Variants in DYSF observed in about 807,000 individuals in gnomAD.
The protein encoded by DYSF is dystrophy-associated fer-1-like 1.
A neutral mutation model predicts 274.9 loss-of-function variants in DYSF; 212 were observed. The ratio of observed to expected loss-of-function variants is 0.77; its 90% CI spans 0.69 to 0.86. The LOEUF (loss-of-function observed/expected upper bound fraction) is 0.86, where lower values mean the gene tolerates loss of function less well. Among genes scored for constraint, DYSF ranks in the 40% least tolerant of loss-of-function variants. The probability of loss-of-function intolerance (pLI) is 0.00; values close to 1 mark genes in which losing one functional copy is unlikely to be tolerated. For missense variants in DYSF, 2,666 were observed against 2,783.2 expected (o/e 0.96, Z 0.95); for synonymous variants, 1,091 against 1,078.7 (o/e 1.01, Z -0.22).
At chr2:71,544,288 A>T (rs906505459) in intron 17 of DYSF, among the ~76,000 whole-genome samples, 1 of 151,932 alleles carries the variant, frequency 6.6e-6, no homozygotes, top group Admixed American at 6.6e-5. Flanking sequence ...CTGTCCATCC[A>T]TCTCCTCAGA....
intron 14 of DYSF, among the ~76,000 whole-genome samples, chr2:71,530,892 C>T (rs902496688): frequency 1.3e-5 from 2 of 152,100 alleles, no homozygotes; most frequent in Non-Finnish European, 2.9e-5. Context: ...CCCAGCTGGC[C>T]TTCTTTGCAT....
intron 22 of DYSF, among the ~76,000 whole-genome samples, chr2:71,559,092 C>T (rs77110008): frequency 0.12 from 18,363 of 152,216 alleles, 1,309 homozygotes; most frequent in African/African-American, 0.19. Context: ...GCTCATCTTC[C>T]GGGAGCCTCC....
chr2:71,571,074 A>G (rs1212047219), intron 29 of DYSF, among the ~76,000 whole-genome samples: 1 of 142,544 alleles, frequency 7.0e-6, no homozygotes, highest in African/African-American at 3.0e-5. Flanking sequence ...CCCAGCACAC[A>G]GATTACACCC....
chr2:71,470,818 T>C (rs1320046834), intron 1 of DYSF, among the ~76,000 whole-genome samples: 3 of 147,140 alleles, frequency 2.0e-5, no homozygotes, highest in African/African-American at 7.5e-5. Flanking sequence ...TGAAATGGAC[T>C]TTCACTCTTA....
At chr2:71,669,007 A>G (rs1419746253) in intron 49 of DYSF, 105 bp from the exon 50 acceptor site, 5 of 1,288,122 alleles carry the variant, frequency 3.9e-6, no homozygotes, top group Admixed American at 2.0e-5. Context: ...CCAGGCAGGC[A>G]TCGAGTCCTC....
chr2:71,576,745 C>T (rs1035247889), intron 30 of DYSF, among the ~76,000 whole-genome samples: 2 of 152,082 alleles, frequency 1.3e-5, no homozygotes, highest in East Asian at 3.9e-4. Flanking sequence ...GTGGACAAAG[C>T]GTGGATGGAC....
intron 36 of DYSF, among the ~76,000 whole-genome samples, chr2:71,607,922 T>G (rs554350179): frequency 2.0e-5 from 3 of 151,956 alleles, no homozygotes; most frequent in Admixed American, 6.6e-5. Flanking sequence ...GAGCAGAAAG[T>G]CTAGGAGAGG....
chr2:71,468,310 C>T (rs369584354), intron 1 of DYSF, among the ~76,000 whole-genome samples: 12 of 152,308 alleles, frequency 7.9e-5, no homozygotes, highest in African/African-American at 2.6e-4. Context: ...GGTCTGCTCA[C>T]AGCTCTTTCC....
chr2:71,664,274 C>A lies in DYSF; in HGVS notation c.5010C>A (p.Phe1670Leu). Reference sequence around the variant, plus strand: ...GAATCTGCCCCTCCTGCAGGATGTTCGAGCTGACCTGCACTCTGCCTCTGG... The same window carrying A: ...GAATCTGCCCCTCCTGCAGGATGTTAGAGCTGACCTGCACTCTGCCTCTGG... Reference protein sequence around the residue: ...CTLEPVFGKMFELTCTLPLEK... With the variant: ...CTLEPVFGKMLELTCTLPLEK... The change falls in exon 46 of 56, where the codon TTC becomes TTA. Residue 1670 changes from phenylalanine (F) to leucine (L), a missense_variant. Physicochemically the swap from Phe to Leu is conservative, Grantham distance 22. Transcript: ENST00000410020. 6.2e-7 allele frequency: 1 copy of A among 1,614,034 alleles called. No individual in the cohort carries two copies. The highest frequency in any genetic ancestry group is 1.1e-5 in the South Asian group (1 of 91,038).
intron 1 of DYSF, among the ~76,000 whole-genome samples, chr2:71,479,935 A>G (rs1473172021): frequency 1.4e-4 from 22 of 152,234 alleles, no homozygotes; most frequent in Admixed American, 1.4e-3. Context: ...AAAATTCACC[A>G]TTTGAACAAT....
At chr2:71,528,921 C>T (rs1226043516) in intron 14 of DYSF, among the ~76,000 whole-genome samples, 1 of 152,142 alleles carries the variant, frequency 6.6e-6, no homozygotes. Flanking sequence ...CCCTTCTCTC[C>T]ACACAGGCTG....
intron 4 of DYSF, among the ~76,000 whole-genome samples, chr2:71,504,186 A>G (rs1312317302): frequency 6.6e-6 from 1 of 152,166 alleles, no homozygotes; most frequent in African/African-American, 2.4e-5. Context: ...CTGAAGTCAC[A>G]TAGTCAGTGG....
At chr2:71,549,053 G>A (rs1469021698) in intron 17 of DYSF, among the ~76,000 whole-genome samples, 1 of 152,198 alleles carries the variant, frequency 6.6e-6, no homozygotes, top group Non-Finnish European at 1.5e-5. Flanking sequence ...ATTGAATCAA[G>A]TTTCGGGTCT....
In DYSF at chr2:71,469,388, C is replaced by T. The variant is rs145775995; in HGVS notation, c.91+2455C>T. On this transcript the variant is annotated intron_variant, in intron 1 of 55. Transcript: ENST00000410020. Reference sequence around the variant, plus strand: ...GCCTTTTCTGAAGCCAGATCCCTTCCGGTGGGGCCCCAGGCATAGGTGTTG... The same window carrying T: ...GCCTTTTCTGAAGCCAGATCCCTTCTGGTGGGGCCCCAGGCATAGGTGTTG... Among the ~76,000 whole-genome samples, 849 of 152,284 alleles carry T rather than the reference C, an allele frequency of 5.6e-3. 10 individuals carry two copies. The highest frequency in any genetic ancestry group is 0.02 in the African/African-American group (821 of 41,566).
chr2:71,539,310 C>T (rs955664566), intron 17 of DYSF, 71 bp downstream of exon 17: 1 of 1,377,040 alleles, frequency 7.3e-7, no homozygotes, highest in African/African-American at 1.4e-5. Flanking sequence ...CCAGCTTACA[C>T]TTCTAGTTTT....
rs2081567899 is a variant in DYSF at position 71,466,855 on chromosome 2, C to G, written c.13C>G (p.Leu5Val). 2 of 1,541,734 alleles carry G rather than the reference C, an allele frequency of 1.3e-6. No individual in the cohort carries two copies. The highest frequency in any genetic ancestry group is 2.7e-5 in the African/African-American group (2 of 72,864). ...GGGCTGCCCAGCCATGCTGTGCTGCCTGCTGGTGAGGGCCAGCAACCTCCC... is the reference window on the plus strand; with the variant it reads ...GGGCTGCCCAGCCATGCTGTGCTGCGTGCTGGTGAGGGCCAGCAACCTCCC... The part of the protein sequence containing the change: MLCC[L>V]LVRASNLPSA... Residue 5 changes from leucine to valine, a missense_variant, in exon 1 of 56, where the codon CTG (leucine) becomes GTG (valine). Around this residue, in one of 3 missense-constraint regions of DYSF, gnomAD observed 794 missense variants for 777.1 expected, o/e 1.02. Coordinates refer to ENST00000410020, the MANE Select transcript of DYSF (RefSeq NM_001130987.2).
In DYSF at chr2:71,569,912, T is replaced by G; in HGVS notation, c.2957T>G (p.Met986Arg). 6.2e-7 allele frequency: 1 copy of G among 1,614,112 alleles called. No individual in the cohort carries two copies. Among genetic ancestry groups the G allele is most frequent in the East Asian group, 2.2e-5 (1 of 44,882 alleles). The change falls in exon 27 of 56, where the codon ATG becomes AGG. Residue 986 changes from methionine to arginine, a missense_variant. Coordinates refer to ENST00000410020, the MANE Select transcript of DYSF (RefSeq NM_001130987.2). ...TRLPGGQWIYMSDNYTDVNGE... is the reference protein window; with the variant it reads ...TRLPGGQWIYRSDNYTDVNGE... ...CTTCCCGGAGGCCAGTGGATCTACA[T>G]GAGTGACAACTACACCGATGTGGTA...
At chr2:71,467,071 TC>T in intron 1 of DYSF, 138 bp downstream of exon 1, 2 of 1,278,510 alleles carry the variant, frequency 1.6e-6, no homozygotes, top group Non-Finnish European at 2.1e-6. Flanking sequence ...GGGACGGAAA[TC>T]CCAGCCCCGA....
At chr2:71,552,969 T>C in intron 19 of DYSF, 42 bp from the exon 20 acceptor site, 1 of 1,611,914 alleles carries the variant, frequency 6.2e-7, no homozygotes, top group Non-Finnish European at 8.5e-7. Context: ...GGTGCCTTTC[T>C]TTGCTCCTCC....
Sources: allele counts gnomAD v4.1 joint callset (sites outside exome capture counted in the v4.1 genomes callset), GRCh38; gene constraint gnomAD v4.1.1; regional missense constraint gnomAD v4.1.1; transcripts MANE v1.5; gene names NCBI Gene and HGNC (gene_info 2026-07-23, HGNC 2026-07-21).